The following LRRC74A variants were observed in gnomAD, a reference collection of about 807,000 sequenced individuals.
LRRC74A encodes the protein leucine rich repeat containing 74A, also known as leucine-rich repeat-containing protein 74A.
A neutral mutation model predicts 57.9 loss-of-function variants in LRRC74A; 44 were observed. The ratio of observed to expected loss-of-function variants is 0.76; its 90% confidence interval spans 0.60 to 0.98. LRRC74A has a LOEUF of 0.98. Ranked by LOEUF, LRRC74A falls within the 50% of genes least tolerant of loss-of-function variation. The probability of loss-of-function intolerance (pLI) is 0.00; values close to 1 mark genes in which losing one functional copy is unlikely to be tolerated. For synonymous variants in LRRC74A, 211 were observed against 219.4 expected (o/e 0.96, Z 0.34); for missense variants, 572 against 574.0 (o/e 1.00, Z 0.04).
intron 5 of LRRC74A, among the ~76,000 whole-genome samples, chr14:76,844,172 T>A (rs55807362): frequency 0.065 from 9,874 of 152,176 alleles, 710 homozygotes; most frequent in African/African-American, 0.18. Context: ...CTAATTTTTT[T>A]AAAAATTCTT....
chr14:76,856,540 ATG>A (rs1897889752), intron 9 of LRRC74A, among the ~76,000 whole-genome samples: 1 of 150,350 alleles, frequency 6.7e-6, no homozygotes, highest in South Asian at 2.1e-4. Flanking sequence ...GGATGGATGG[ATG>A]GATGGATGGA....
At chr14:76,849,908 T>TA (rs1043203352) in intron 7 of LRRC74A, among the ~76,000 whole-genome samples, 37 of 151,614 alleles carry the variant, frequency 2.4e-4, no homozygotes, top group Non-Finnish European at 4.0e-4. Flanking sequence ...AATCCTCATT[T>TA]AAAAAAAACT....
At chr14:76,847,767 G>T (rs1033154277) in intron 7 of LRRC74A, among the ~76,000 whole-genome samples, 1 of 152,118 alleles carries the variant, frequency 6.6e-6, no homozygotes, top group Non-Finnish European at 1.5e-5. Context: ...TGAAAATGGA[G>T]GCCTGGCACA....
intron 5 of LRRC74A, among the ~76,000 whole-genome samples, chr14:76,843,161 T>G (rs1233028045): frequency 2.0e-5 from 3 of 151,916 alleles, no homozygotes; most frequent in African/African-American, 7.2e-5. Context: ...GCACAACCTG[T>G]AATCCCAGTT....
chr14:76,827,623 G>T (rs1895665179), intron 1 of LRRC74A, among the ~76,000 whole-genome samples: 1 of 152,088 alleles, frequency 6.6e-6, no homozygotes, highest in Admixed American at 6.5e-5. Flanking sequence ...TGTGAGGGGA[G>T]CTCTGTTCCC....
intron 3 of LRRC74A, among the ~76,000 whole-genome samples, chr14:76,835,148 C>T (rs1180095642): frequency 6.6e-6 from 1 of 152,172 alleles, no homozygotes; most frequent in Non-Finnish European, 1.5e-5. Context: ...TAACCCAAGT[C>T]CTTCATGCTG....
intron 11 of LRRC74A, 59 bp from the exon 12 acceptor site, chr14:76,865,909 A>AC (rs1264009777): frequency 1.4e-5 from 18 of 1,289,536 alleles, no homozygotes; most frequent in Non-Finnish European, 2.0e-5. Context: ...GGGAAGGGGG[A>AC]CCTGCGATCG....
intron 3 of LRRC74A, among the ~76,000 whole-genome samples, chr14:76,832,769 T>A (rs1896061493): frequency 6.6e-6 from 1 of 152,190 alleles, no homozygotes. Context: ...ATGTCAGTAG[T>A]AGTTTCACCA....
chr14:76,854,038 A>G (rs546045626), intron 9 of LRRC74A, among the ~76,000 whole-genome samples: 5 of 152,024 alleles, frequency 3.3e-5, no homozygotes, highest in African/African-American at 1.2e-4. Context: ...CTGTTCGCTG[A>G]GCCCCAAGTG....
In LRRC74A at chr14:76,841,355, C is replaced by T. The variant is rs113787461; in HGVS notation, c.545-3068C>T. On this transcript the variant is annotated intron_variant, in intron 5 of 13. Coordinates refer to ENST00000689127, the MANE Select transcript of LRRC74A (RefSeq NM_001385106.1). ...CTGTGCCCAGCCAATAAATATGTTT[C>T]GTGTGTGAGTGGGCAAAGACTACCC... Among the ~76,000 whole-genome samples, 84 of 152,158 alleles carry T rather than the reference C, an allele frequency of 5.5e-4. 1 individual carries two copies. The highest frequency in any genetic ancestry group is 1.9e-3 in the African/African-American group (80 of 41,448).
chr14:76,850,861 A>AGAAAG (rs1555367243), intron 7 of LRRC74A, among the ~76,000 whole-genome samples: 34 of 96,556 alleles, frequency 3.5e-4, no homozygotes, highest in Admixed American at 9.4e-4. Flanking sequence ...AAAAAAAAAA[A>AGAAAG]AAAGAAAGAA....
At position 76,828,339 on chromosome 14, in the gene LRRC74A, A is replaced by G; in HGVS notation, c.86A>G (p.Tyr29Cys). ...PVRQSSDKMLYCEAESPPTVE... is the reference protein window; with the variant it reads ...PVRQSSDKMLCCEAESPPTVE... ...CGACAGAGCAGCGATAAAATGCTCT[A>G]CTGTGAGGCCGAATCCCCGCCGACT... The change falls in exon 2 of 14, where the codon TAC (tyrosine) becomes TGC (cysteine). Residue 29 changes from tyrosine to cysteine, a missense_variant. Coordinates refer to ENST00000689127, the MANE Select transcript of LRRC74A (RefSeq NM_001385106.1). 6.2e-7 allele frequency: 1 copy of G among 1,613,460 alleles called. No individual in the cohort carries two copies. The highest frequency in any genetic ancestry group is 8.5e-7 in the Non-Finnish European group (1 of 1,179,410).
chr14:76,869,144 C>T (rs1463587460), intron 13 of LRRC74A, among the ~76,000 whole-genome samples: 1 of 150,062 alleles, frequency 6.7e-6, no homozygotes, highest in Non-Finnish European at 1.5e-5. Flanking sequence ...TCACCTGCCC[C>T]GTACCTAAAG....
Position 76,831,201 on chromosome 14 carries a change from AGAT to A in LRRC74A, c.171_173del (p.Asp57del). 6.2e-7 allele frequency: 1 copy of A among 1,613,958 alleles called. No homozygotes were observed. The highest frequency in any genetic ancestry group is 8.5e-7 in the Non-Finnish European group (1 of 1,179,832). On this transcript the variant is annotated splice_acceptor_variant and coding_sequence_variant, in exon 3 of 14. Transcript: ENST00000689127. LOFTEE classifies it high-confidence loss of function. ...CCTACTTCAGCCCATCTTTCTCTGC[AGAT>A]GATGAGAAATTTTTCACCACTGGAC...
In LRRC74A at chr14:76,826,799, G is replaced by A. The variant is rs1895608170; in HGVS notation, c.37+65G>A. 1.7e-5 allele frequency: 19 copies of A among 1,121,550 alleles called. No individual in the cohort carries two copies. The South Asian group carries it at 2.4e-4, about 14-fold the overall frequency. The allele number at this position is 1,121,550 out of a possible 1,614,324, so 69.5% of individuals were successfully genotyped here. ...CTGCTGCCTCAGTACAACACCTAGTGATCACAGGACCCTGAAGCCCACTTC... is the reference window on the plus strand; with the variant it reads ...CTGCTGCCTCAGTACAACACCTAGTAATCACAGGACCCTGAAGCCCACTTC... On this transcript the variant is annotated intron_variant, in intron 1 of 13. Transcript: ENST00000689127.
At chr14:76,836,126 G>A (rs887768797) in intron 3 of LRRC74A, 81 bp from the exon 4 acceptor site, 220 of 1,013,964 alleles carry the variant, frequency 2.2e-4, no homozygotes, top group Non-Finnish European at 3.1e-4. Flanking sequence ...CCATTCACAT[G>A]GCTGGCCCAG....
At chr14:76,860,660 C>T (rs1440343142) in intron 10 of LRRC74A, 33 bp from the exon 11 acceptor site, 6 of 1,572,666 alleles carry the variant, frequency 3.8e-6, no homozygotes, top group Non-Finnish European at 5.2e-6. Context: ...GCAGTGCCCT[C>T]ATCATCATGG....
intron 13 of LRRC74A, among the ~76,000 whole-genome samples, chr14:76,868,022 T>C (rs1364686781): frequency 6.6e-6 from 1 of 152,190 alleles, no homozygotes; most frequent in East Asian, 1.9e-4. Context: ...GTGATGCCAG[T>C]AAGCAACCCA....
At chr14:76,864,347 C>T (rs1200411140) in intron 11 of LRRC74A, among the ~76,000 whole-genome samples, 4 of 144,142 alleles carry the variant, frequency 2.8e-5, no homozygotes, top group East Asian at 2.1e-4. Context: ...GTGAGAAGGA[C>T]GTTGCCAGAA....
Sources: gnomAD v4.1 joint callset for allele counts (sites outside exome capture counted in the v4.1 genomes callset) on GRCh38, gnomAD v4.1.1 for gene constraint, MANE v1.5 for transcripts, NCBI Gene and HGNC (gene_info 2026-07-23, HGNC 2026-07-21) for gene names.